HS2ST1: variants seen among roughly 807,000 people sequenced by gnomAD.
HS2ST1 encodes the protein heparan sulfate 2-O-sulfotransferase 1.
Under a neutral mutation model 42.9 loss-of-function variants are expected in HS2ST1, and 18 were observed. That is an observed-to-expected ratio of 0.42 (90% CI 0.29 to 0.62). The LOEUF (loss-of-function observed/expected upper bound fraction) is 0.62. Ranked by LOEUF, HS2ST1 falls within the 20% of genes least tolerant of loss-of-function variation. The pLI is 0.21. For synonymous variants in HS2ST1, 146 were observed against 152.9 expected, an observed-to-expected ratio of 0.95 and a Z score of 0.33; for missense variants, 334 against 433.8, an observed-to-expected ratio of 0.77 and a Z score of 2.04.
intron 1 of HS2ST1, among the ~76,000 whole-genome samples, chr1:87,053,298 T>C (rs1370980697): frequency 6.6e-6 from 1 of 152,204 alleles, no homozygotes; most frequent in Non-Finnish European, 1.5e-5. Context: ...ATCTTCTTGG[T>C]ATGATATTTC....
At chr1:87,068,190 A>G (rs1651302849) in intron 1 of HS2ST1, among the ~76,000 whole-genome samples, 1 of 152,152 alleles carries the variant, frequency 6.6e-6, no homozygotes, top group African/African-American at 2.4e-5. Context: ...GATTCTTCCT[A>G]TCCATGAGCA....
chr1:86,946,759 A>G (rs889405340), intron 1 of HS2ST1, among the ~76,000 whole-genome samples: 1 of 152,236 alleles, frequency 6.6e-6, no homozygotes, highest in Non-Finnish European at 1.5e-5. Context: ...ATTAATGCAC[A>G]TAGCATTGCA....
At chr1:86,922,695 C>T (rs1660325455) in intron 1 of HS2ST1, among the ~76,000 whole-genome samples, 1 of 151,928 alleles carries the variant, frequency 6.6e-6, no homozygotes, top group Non-Finnish European at 1.5e-5. Context: ...GAGAAGGTTG[C>T]CATCATTCTT....
intron 1 of HS2ST1, among the ~76,000 whole-genome samples, chr1:86,983,014 GGA>G (rs1371397209): frequency 3.3e-5 from 5 of 152,248 alleles, no homozygotes; most frequent in Admixed American, 6.5e-5. Context: ...ACCTCAGCCT[GGA>G]CCCCATTGTC....
At chr1:87,084,782 CT>C (rs67855034) in intron 3 of HS2ST1, among the ~76,000 whole-genome samples, 1,928 of 151,716 alleles carry the variant, frequency 0.013, 42 homozygotes, top group African/African-American at 0.044. Context: ...CTCACCCCCC[CT>C]CTCCTTCTCC....
chr1:87,073,126 A>C lies in HS2ST1; in HGVS notation c.317A>C (p.His106Pro). 6.2e-7 allele frequency: 1 copy of C among 1,613,818 alleles called. No homozygotes were observed. Among genetic ancestry groups the C allele is most frequent in the Non-Finnish European group, 8.5e-7 (1 of 1,179,666 alleles). The change falls in exon 2 of 7, where the codon CAT becomes CCT. Residue 106 changes from histidine (H) to proline (P), a missense_variant. Coordinates refer to ENST00000370550, the MANE Select transcript of HS2ST1 (RefSeq NM_012262.4). The stretch of plus-strand genomic sequence containing the variant: ...GCAAAGAATAAATACCATGTCCTTC[A>C]TATCAACACTACCAAAAATAATCCA... ...LCAKNKYHVL[H>P]INTTKNNPVM...
intron 1 of HS2ST1, among the ~76,000 whole-genome samples, chr1:86,917,423 G>T (rs1284253382): frequency 1.3e-5 from 2 of 151,898 alleles, no homozygotes. Flanking sequence ...GGAGGCTAAG[G>T]CATGAGAACC....
chr1:86,970,740 A>G (rs1007470523), intron 1 of HS2ST1, among the ~76,000 whole-genome samples: 1 of 152,168 alleles, frequency 6.6e-6, no homozygotes, highest in Non-Finnish European at 1.5e-5. Flanking sequence ...GTGAATGTCC[A>G]CATTTAAAGT....
At chr1:87,098,500 A>T in intron 5 of HS2ST1, 4 of 387,110 alleles carry the variant, frequency 1.0e-5, no homozygotes, top group Non-Finnish European at 1.4e-5. Flanking sequence ...TGTTCTATTC[A>T]ATCATTTTAA....
intron 1 of HS2ST1, among the ~76,000 whole-genome samples, chr1:86,950,114 T>G (rs1305486075): frequency 1.3e-5 from 2 of 152,228 alleles, no homozygotes; most frequent in Non-Finnish European, 2.9e-5. Flanking sequence ...TCTGACCAGT[T>G]TAACTTAATG....
intron 1 of HS2ST1, among the ~76,000 whole-genome samples, chr1:86,930,794 C>T (rs1003951352): frequency 6.6e-5 from 10 of 151,994 alleles, no homozygotes; most frequent in Middle Eastern, 3.4e-3. Context: ...CTTCAAAGCA[C>T]GAAAAGTTGA....
At chr1:86,987,030 T>TA (rs1323532958) in intron 1 of HS2ST1, among the ~76,000 whole-genome samples, 1 of 151,248 alleles carries the variant, frequency 6.6e-6, no homozygotes, top group African/African-American at 2.4e-5. Context: ...GAGCTACTGT[T>TA]ACACGCTTTC....
intron 2 of HS2ST1, among the ~76,000 whole-genome samples, chr1:87,074,935 G>A (rs993304286): frequency 6.6e-6 from 1 of 151,636 alleles, no homozygotes; most frequent in African/African-American, 2.4e-5. Context: ...CTATGTAGAC[G>A]CAGTTCTTCA....
intron 1 of HS2ST1, among the ~76,000 whole-genome samples, chr1:87,005,707 T>C (rs942291615): frequency 1.3e-5 from 2 of 152,170 alleles, no homozygotes; most frequent in African/African-American, 4.8e-5. Context: ...TGAACTGAGA[T>C]GCTCCTAAAT....
At chr1:87,048,408 T>TAGA (rs1333726682) in intron 1 of HS2ST1, among the ~76,000 whole-genome samples, 1 of 152,186 alleles carries the variant, frequency 6.6e-6, no homozygotes, top group Non-Finnish European at 1.5e-5. Flanking sequence ...TTGCACAGGC[T>TAGA]AGAGCCTCCA....
At chr1:87,063,921 ATCT>A (rs1322336268) in intron 1 of HS2ST1, among the ~76,000 whole-genome samples, 1 of 152,132 alleles carries the variant, frequency 6.6e-6, no homozygotes, top group Admixed American at 6.5e-5. Context: ...TCTAATTATA[ATCT>A]TCTGTTTCCT....
At chr1:86,980,544 A>G (rs549617348) in intron 1 of HS2ST1, among the ~76,000 whole-genome samples, 1 of 152,282 alleles carries the variant, frequency 6.6e-6, no homozygotes, top group African/African-American at 2.4e-5. Flanking sequence ...ATAATTACAT[A>G]AACAATAAAT....
At chr1:87,097,796 T>C in intron 4 of HS2ST1, 42 bp from the exon 5 acceptor site, 1 of 1,611,412 alleles carries the variant, frequency 6.2e-7, no homozygotes. Flanking sequence ...TAGGTGAGAC[T>C]TGGATTTATG....
intron 1 of HS2ST1, among the ~76,000 whole-genome samples, chr1:87,019,298 G>T (rs1034704777): frequency 6.6e-6 from 1 of 152,046 alleles, no homozygotes; most frequent in Admixed American, 6.6e-5. Context: ...AAGTTCAAAC[G>T]GTATTCCTTA....
Sources: allele counts gnomAD v4.1 joint callset (sites outside exome capture counted in the v4.1 genomes callset), GRCh38; gene constraint gnomAD v4.1.1; transcripts MANE v1.5; gene names NCBI Gene and HGNC (gene_info 2026-07-23, HGNC 2026-07-21).